SULF2: variants seen among roughly 807,000 people sequenced by gnomAD.
SULF2 encodes extracellular sulfatase Sulf-2.
SULF2 carries 52 observed loss-of-function variants against 107.7 expected under a neutral mutation model. The ratio of observed to expected loss-of-function variants is 0.48; its 90% CI spans 0.39 to 0.61. The LOEUF (loss-of-function observed/expected upper bound fraction) is 0.61. Among genes scored for constraint, SULF2 ranks in the 20% least tolerant of loss-of-function variants. SULF2 has a pLI of 0.00. For missense variants in SULF2, 993 were observed against 1,177.3 expected (o/e 0.84, Z 2.29); for synonymous variants, 460 against 464.3 (o/e 0.99, Z 0.12).
At chr20:47,725,274 T>A (rs1010116507) in intron 3 of SULF2, among the ~76,000 whole-genome samples, 4 of 152,174 alleles carry the variant, frequency 2.6e-5, no homozygotes, top group African/African-American at 9.7e-5. Context: ...TTCCGTACAT[T>A]CCTGGGAATA....
intron 4 of SULF2, among the ~76,000 whole-genome samples, chr20:47,693,632 A>G (rs1191126022): frequency 6.6e-6 from 1 of 152,228 alleles, no homozygotes; most frequent in Non-Finnish European, 1.5e-5. Context: ...GTATGATATG[A>G]TATCATTTAT....
intron 2 of SULF2, among the ~76,000 whole-genome samples, chr20:47,744,551 G>C (rs1292074900): frequency 6.6e-6 from 1 of 152,130 alleles, no homozygotes; most frequent in Admixed American, 6.5e-5. Flanking sequence ...ATGTGAAGCA[G>C]GCCCTGGGAT....
At chr20:47,779,047 A>G (rs943215842) in intron 1 of SULF2, among the ~76,000 whole-genome samples, 2 of 152,132 alleles carry the variant, frequency 1.3e-5, no homozygotes, top group Admixed American at 1.3e-4. Context: ...TCCACGTCGG[A>G]ATTCCAGATC....
At chr20:47,667,061 T>C (rs2087299487) in intron 11 of SULF2, among the ~76,000 whole-genome samples, 1 of 152,146 alleles carries the variant, frequency 6.6e-6, no homozygotes, top group South Asian at 2.1e-4. Flanking sequence ...TAGGTAGAGG[T>C]GTGCAACACT....
chr20:47,705,802 TTC>T (rs1568838806), intron 3 of SULF2, among the ~76,000 whole-genome samples: 1 of 104,888 alleles, frequency 9.5e-6, no homozygotes, highest in Non-Finnish European at 2.1e-5. Flanking sequence ...TTCTTTTCTT[TTC>T]TTTTTTTTTT....
intron 3 of SULF2, among the ~76,000 whole-genome samples, chr20:47,703,425 C>CT (rs1370906127): frequency 6.6e-6 from 1 of 152,158 alleles, no homozygotes; most frequent in Non-Finnish European, 1.5e-5. Context: ...CAGAGTGTCA[C>CT]TTTTTTTCCC....
intron 2 of SULF2, among the ~76,000 whole-genome samples, chr20:47,746,777 T>C (rs558752169): frequency 1.1e-3 from 160 of 151,644 alleles, no homozygotes; most frequent in African/African-American, 3.5e-3. Flanking sequence ...TAGGTGGGAA[T>C]TGAACAATGA....
chr20:47,786,057 T>A (rs11698443), upstream of SULF2: 6,654 of 152,032 alleles, frequency 0.044, 201 homozygotes, highest in Middle Eastern at 0.082. Flanking sequence ...CTCGACACAC[T>A]CTCGCTCCTG....
rs2087292955 is a variant in SULF2 at position 47,666,878 on chromosome 20, C to T, written c.1577-390G>A. On this transcript the variant is annotated intron_variant, in intron 11 of 20. Transcript: ENST00000688720. This position sits in a 1 kb window ranked among gnomAD's most constrained non-coding sequence, Gnocchi z 5.4. ...AGCAGGCGGAGTGAAACCAGCCAGA[C>T]ACAAAGCGGGCTCGTATTGTTACAT... is the stretch of plus-strand genomic sequence containing the variant. Among the ~76,000 whole-genome samples the T allele has an allele frequency of 6.6e-6, 1 of 152,218 alleles. No homozygotes were observed. Among genetic ancestry groups the T allele is most frequent in the South Asian group, 2.1e-4 (1 of 4,832 alleles).
In SULF2 at chr20:47,657,689, GAGCGTTTAT is replaced by G. The variant is rs1420968351; in HGVS notation, c.*664_*672del. On this transcript the variant is annotated 3_prime_UTR_variant, in exon 21 of 21. Coordinates refer to ENST00000688720, the MANE Select transcript of SULF2 (RefSeq NM_001387048.1). The stretch of plus-strand genomic sequence containing the variant: ...GGGATTTTCTTTTACACTGGCCACA[GAGCGTTTAT>G]TGACACCACCACTCCTGAAAATTGG... The G allele has an allele frequency of 6.6e-6, 1 of 152,268 alleles. No individual in the cohort carries two copies. Among genetic ancestry groups the G allele is most frequent in the Non-Finnish European group, 1.5e-5 (1 of 68,092 alleles). The allele number at this position is 152,268 out of a possible 1,614,324, so 9.4% of individuals were successfully genotyped here. A position where few individuals can be genotyped will look rare whatever the true frequency, so the allele number is the denominator to read the frequency against.
rs2088294734 is a variant in SULF2, at chr20:47,694,132, G to A, written c.568-3837C>T. On this transcript the variant is annotated intron_variant, in intron 4 of 20. Coordinates refer to ENST00000688720, the MANE Select transcript of SULF2 (RefSeq NM_001387048.1). The surrounding 1 kb of genome is among the most constrained non-coding windows in gnomAD (Gnocchi z 4.4). ...ACCCTGCTCCACCAGTGGGCAGTTA[G>A]TGCCAGGCCAGCCAACAAGAGCCAC... 6.6e-6 allele frequency among the ~76,000 whole-genome samples: 1 copy of A among 152,226 alleles called. No individual in the cohort carries two copies.
intron 1 of SULF2, among the ~76,000 whole-genome samples, chr20:47,762,922 T>C (rs1183983571): frequency 6.6e-6 from 1 of 152,244 alleles, no homozygotes; most frequent in Non-Finnish European, 1.5e-5. Flanking sequence ...GATCAAGTCA[T>C]CAGTGGGTCG....
intron 2 of SULF2, among the ~76,000 whole-genome samples, chr20:47,740,715 T>G (rs2089857983): frequency 6.6e-6 from 1 of 152,184 alleles, no homozygotes. Flanking sequence ...CACACAGATA[T>G]ATGATGAAAA....
At chr20:47,704,348 C>T (rs1289306313) in intron 3 of SULF2, among the ~76,000 whole-genome samples, 1 of 152,102 alleles carries the variant, frequency 6.6e-6, no homozygotes, top group African/African-American at 2.4e-5. Context: ...TCACGGCTCA[C>T]TGCAGCCTCA....
intron 3 of SULF2, among the ~76,000 whole-genome samples, chr20:47,730,730 G>A (rs1282027491): frequency 1.3e-5 from 2 of 152,178 alleles, no homozygotes; most frequent in Non-Finnish European, 2.9e-5. Flanking sequence ...TTACAGGCGT[G>A]AGCCACTGTG....
chr20:47,702,699 C>T (rs773472263), intron 3 of SULF2, 29 bp from the exon 4 acceptor site: 99 of 1,609,984 alleles, frequency 6.1e-5, no homozygotes, highest in Middle Eastern at 1.7e-4. Flanking sequence ...CAGGAGGCCA[C>T]GTGAGAAAGT....
chr20:47,752,189 A>G (rs1204489407), intron 2 of SULF2, among the ~76,000 whole-genome samples: 1 of 152,216 alleles, frequency 6.6e-6, no homozygotes, highest in Non-Finnish European at 1.5e-5. Flanking sequence ...GGGTGCTCTA[A>G]CAGAGGATGG....
chr20:47,762,453 C>T (rs1383386391), intron 1 of SULF2, among the ~76,000 whole-genome samples: 1 of 152,230 alleles, frequency 6.6e-6, no homozygotes, highest in Non-Finnish European at 1.5e-5. Flanking sequence ...ATCAATATTT[C>T]ACCCATTTTA....
rs116505661 is a variant in SULF2 at position 47,757,334 on chromosome 20, C to T, written c.30G>A (p.Leu10=). MGPPSLVLC[L]LSATVFSLLG... ...GCAGGGAGAACACAGTTGCGGACAG[C>T]AAGCACAGCACGAGGCTCGGGGGGC... is the stretch of plus-strand genomic sequence containing the variant. Residue 10 remains leucine, a synonymous_variant, in exon 2 of 21, where the codon TTG becomes TTA. Transcript: ENST00000688720. 2 of 1,602,826 alleles carry T rather than the reference C, an allele frequency of 1.2e-6. No individual in the cohort carries two copies. Among genetic ancestry groups the T allele is most frequent in the African/African-American group, 2.7e-5 (2 of 74,894 alleles).
Sources: allele counts gnomAD v4.1 joint callset (sites outside exome capture counted in the v4.1 genomes callset), GRCh38; gene constraint gnomAD v4.1.1; non-coding constraint Gnocchi (gnomAD v3.1); transcripts MANE v1.5; gene names NCBI Gene and HGNC (gene_info 2026-07-23, HGNC 2026-07-21).